Variants in RIPOR2 observed in about 807,000 individuals in gnomAD.
RIPOR2 encodes the protein rho family-interacting cell polarization regulator 2.
In RIPOR2, 39 loss-of-function variants were observed where a neutral mutation model predicts 114.5. The observed-to-expected ratio is 0.34, with a 90% CI of 0.26 to 0.44. RIPOR2 has a LOEUF of 0.44. Among genes scored for constraint, RIPOR2 ranks in the 20% least tolerant of loss-of-function variants. The probability of loss-of-function intolerance (pLI) is 1.00; values close to 1 mark genes in which losing one functional copy is unlikely to be tolerated. For synonymous variants in RIPOR2, 445 were observed against 484.4 expected, an observed-to-expected ratio of 0.92 and a Z score of 1.07; for missense variants, 1,007 against 1,255.1, an observed-to-expected ratio of 0.80 and a Z score of 2.99.
At chr6:25,002,140 C>A (rs1775349393) in intron 1 of RIPOR2, among the ~76,000 whole-genome samples, 2 of 152,228 alleles carry the variant, frequency 1.3e-5, no homozygotes, top group Non-Finnish European at 2.9e-5. Flanking sequence ...CAGTGAGCTG[C>A]ACTAGGTATA....
intron 1 of RIPOR2, among the ~76,000 whole-genome samples, chr6:25,000,954 GC>G (rs1237828232): frequency 2.6e-5 from 4 of 152,212 alleles, no homozygotes; most frequent in African/African-American, 9.6e-5. Flanking sequence ...ATGGAGGAGG[GC>G]CAGTCAGTAT....
At chr6:24,861,340 T>A (rs760255837) in intron 7 of RIPOR2, among the ~76,000 whole-genome samples, 2 of 152,190 alleles carry the variant, frequency 1.3e-5, no homozygotes, top group Admixed American at 6.5e-5. Flanking sequence ...GGCAGTATCA[T>A]AGGGGAAAAA....
At position 24,852,523 on chromosome 6, in the gene RIPOR2, C is replaced by T. The variant is rs9467333; in HGVS notation, c.759+52G>A. The T allele has an allele frequency of 3.0e-6, 4 of 1,328,050 alleles. No individual in the cohort carries two copies. In the Admixed American group the frequency reaches 6.8e-5, roughly 23 times the overall value. The allele number at this position is 1,328,050 out of a possible 1,614,324, so 82.3% of individuals were successfully genotyped here. On this transcript the variant is annotated intron_variant, in intron 9 of 21. Transcript: ENST00000643898. ...AGCAAAATAATGACATGACAACTGG[C>T]CCCTACCCTTCAGGTCCATAATTCC...
intron 1 of RIPOR2, chr6:25,024,249 T>C (rs530466792): frequency 3.9e-5 from 60 of 1,536,574 alleles, no homozygotes; most frequent in African/African-American, 1.1e-4. Context: ...TGTGCTGGAC[T>C]GGATGGCCGG....
chr6:24,875,024 G>C (rs1017033867), intron 2 of RIPOR2, among the ~76,000 whole-genome samples: 1 of 152,158 alleles, frequency 6.6e-6, no homozygotes, highest in South Asian at 2.1e-4. Context: ...TAGGAAAGCC[G>C]AGACCTCCGA....
chr6:24,890,446 A>G (rs1416379094), intron 1 of RIPOR2, among the ~76,000 whole-genome samples: 2 of 152,162 alleles, frequency 1.3e-5, no homozygotes, highest in Non-Finnish European at 2.9e-5. Flanking sequence ...GAAACTAAAT[A>G]ATGTGTACAA....
At chr6:24,970,479 C>T (rs984900205) in intron 1 of RIPOR2, among the ~76,000 whole-genome samples, 1 of 152,184 alleles carries the variant, frequency 6.6e-6, no homozygotes, top group Non-Finnish European at 1.5e-5. Flanking sequence ...TTTTCAAATT[C>T]AAATTCCTGC....
chr6:24,945,017 T>C (rs1004590503), intron 1 of RIPOR2, among the ~76,000 whole-genome samples: 1 of 152,056 alleles, frequency 6.6e-6, no homozygotes, highest in Non-Finnish European at 1.5e-5. Context: ...AGAATTGTAA[T>C]GTTCCCGCCA....
chr6:24,861,135 C>A (rs1362836261), intron 7 of RIPOR2, 99 bp from the exon 8 acceptor site: 3 of 729,098 alleles, frequency 4.1e-6, no homozygotes, highest in African/African-American at 3.5e-5. Flanking sequence ...GCGTGAACAA[C>A]GAGAAGCATT....
At chr6:24,963,263 C>T (rs1348122061) in intron 1 of RIPOR2, among the ~76,000 whole-genome samples, 1 of 152,106 alleles carries the variant, frequency 6.6e-6, no homozygotes, top group Non-Finnish European at 1.5e-5. Context: ...AAACTCCTGA[C>T]CTTCAGTGAT....
chr6:24,955,725 C>G (rs1773004497), intron 1 of RIPOR2, among the ~76,000 whole-genome samples: 1 of 150,870 alleles, frequency 6.6e-6, no homozygotes, highest in African/African-American at 2.4e-5. Flanking sequence ...AAATTACAAG[C>G]CTGGTGCAGT....
At chr6:24,820,838 G>T (rs1301192595) in intron 19 of RIPOR2, among the ~76,000 whole-genome samples, 1 of 136,488 alleles carries the variant, frequency 7.3e-6, no homozygotes, top group African/African-American at 2.7e-5. Context: ...TGTGTACAAG[G>T]TTTTTTTGTG....
rs373028226 is a variant in RIPOR2, at chr6:24,977,486, A to G, written c.76+64365T>C. 3.9e-5 allele frequency among the ~76,000 whole-genome samples: 6 copies of G among 152,358 alleles called. No homozygotes were observed. The East Asian group carries it at 5.8e-4, about 15-fold the overall frequency. The stretch of plus-strand genomic sequence containing the variant: ...TCAACTTCATCTAAGAGCCTATTCT[A>G]TCAGATACATAACAGGAAACGGAGA... On this transcript the variant is annotated intron_variant, in intron 1 of 13. Coordinates refer to the RIPOR2 transcript ENST00000510784.
chr6:25,038,144 TC>T (rs1561860190), intron 1 of RIPOR2, among the ~76,000 whole-genome samples: 1 of 152,246 alleles, frequency 6.6e-6, no homozygotes, highest in African/African-American at 2.4e-5. Context: ...TTGAAAATTC[TC>T]ATAATAAAAA....
At chr6:24,924,445 T>C (rs1213722767) in intron 1 of RIPOR2, among the ~76,000 whole-genome samples, 1 of 152,144 alleles carries the variant, frequency 6.6e-6, no homozygotes, top group African/African-American at 2.4e-5. Context: ...ACGCTTGCTG[T>C]GTGCTATCTT....
intron 16 of RIPOR2, among the ~76,000 whole-genome samples, chr6:24,831,622 T>C (rs375292008): frequency 6.6e-6 from 1 of 152,100 alleles, no homozygotes; most frequent in Non-Finnish European, 1.5e-5. Flanking sequence ...GAGGCAGAAA[T>C]GCACAGGGAG....
chr6:24,876,902 T>A (rs1312460511), intron 1 of RIPOR2: 1 of 905,836 alleles, frequency 1.1e-6, no homozygotes, highest in East Asian at 1.2e-4. Context: ...ACCCTGCAAC[T>A]GTTAGGTAAT....
At chr6:25,017,560 TCCTTCCGGC>T (rs1479874874) in intron 1 of RIPOR2, among the ~76,000 whole-genome samples, 1 of 152,194 alleles carries the variant, frequency 6.6e-6, no homozygotes, top group Non-Finnish European at 1.5e-5. Context: ...TTCCACAAAG[TCCTTCCGGC>T]CCTCTGGTCT....
rs1010248087 is a variant in RIPOR2 at position 25,026,055 on chromosome 6, T to G, written c.76+15796A>C. On this transcript the variant is annotated intron_variant, in intron 1 of 13. Coordinates refer to the RIPOR2 transcript ENST00000510784. ...GTTACAAAGATTGTTGTTTTTTTTT[T>G]TTGTTTCTGAGTCACAAGCAAGTCA... 4.0e-5 allele frequency among the ~76,000 whole-genome samples: 6 copies of G among 150,566 alleles called. No homozygotes were observed. The East Asian group carries it at 1.2e-3, about 29-fold the overall frequency.
Sources: gnomAD v4.1 joint callset for allele counts (sites outside exome capture counted in the v4.1 genomes callset) on GRCh38, gnomAD v4.1.1 for gene constraint, MANE v1.5 for transcripts, NCBI Gene and HGNC (gene_info 2026-07-23, HGNC 2026-07-21) for gene names.